Variants in DPP6 observed in about 807,000 individuals in gnomAD.
DPP6 encodes the protein A-type potassium channel modulatory protein DPP6.
A neutral mutation model predicts 122.6 loss-of-function variants in DPP6; 69 were observed. That is an observed-to-expected ratio of 0.56 (90% CI 0.46 to 0.69). DPP6 has a LOEUF of 0.69. Ranked by LOEUF, DPP6 falls within the 30% of genes least tolerant of loss-of-function variation. The pLI, the probability that DPP6 is intolerant of heterozygous loss-of-function variation, is 0.00. For missense variants in DPP6, 928 were observed against 1,116.9 expected, an observed-to-expected ratio of 0.83 and a Z score of 2.41; for synonymous variants, 418 against 433.1, an observed-to-expected ratio of 0.97 and a Z score of 0.43.
chr7:154,448,457 T>C (rs1304630605), intron 2 of DPP6, among the ~76,000 whole-genome samples: 1 of 152,198 alleles, frequency 6.6e-6, no homozygotes, highest in Non-Finnish European at 1.5e-5. Flanking sequence ...GTATATCTTA[T>C]ATGAATTGAT....
intron 1 of DPP6, among the ~76,000 whole-genome samples, chr7:154,103,874 T>G (rs1284537975): frequency 6.6e-5 from 10 of 152,214 alleles, no homozygotes; most frequent in Non-Finnish European, 1.3e-4. Context: ...CCGGGGGCTC[T>G]CCAGCCTCTG....
chr7:154,430,030 ACCCT>A (rs914030636), intron 1 of DPP6, among the ~76,000 whole-genome samples: 4 of 151,396 alleles, frequency 2.6e-5, no homozygotes, highest in Admixed American at 2.6e-4. Flanking sequence ...GTTTCCATCC[ACCCT>A]CCCAGTTCTC....
chr7:154,775,325 T>C (rs1419415576), intron 10 of DPP6, among the ~76,000 whole-genome samples: 3 of 152,154 alleles, frequency 2.0e-5, no homozygotes, highest in Non-Finnish European at 4.4e-5. Context: ...GCAAGGATCA[T>C]AGGGCTGGTT....
At chr7:154,061,763 C>T (rs190031193) in intron 1 of DPP6, among the ~76,000 whole-genome samples, 1 of 79,062 alleles carries the variant, frequency 1.3e-5, no homozygotes, top group African/African-American at 4.7e-5. Flanking sequence ...TGGCTCTTTG[C>T]ACCCCCATCG....
chr7:154,675,276 C>T (rs75962116), intron 7 of DPP6, among the ~76,000 whole-genome samples: 1 of 152,018 alleles, frequency 6.6e-6, no homozygotes, highest in Non-Finnish European at 1.5e-5. Context: ...TTGATGGGTG[C>T]AGCAAGCCAA....
chr7:154,103,841 C>G (rs1231257211), intron 1 of DPP6, among the ~76,000 whole-genome samples: 1 of 152,234 alleles, frequency 6.6e-6, no homozygotes, highest in African/African-American at 2.4e-5. Context: ...CCTTTGGACT[C>G]TGGCACTTAT....
rs1401756838 is a variant in DPP6 at position 154,721,986 on chromosome 7, GA to G, written c.763-5780del. On this transcript the variant is annotated intron_variant, in intron 7 of 25. Transcript: ENST00000377770. ...TCAAGACCAGCCTAGGCAACATAGTGAGACCCCATCTCTACCAAAAAAAAAA... is the reference window on the plus strand; with the variant it reads ...TCAAGACCAGCCTAGGCAACATAGTGGACCCCATCTCTACCAAAAAAAAAA... 4.1e-5 allele frequency among the ~76,000 whole-genome samples: 6 copies of G among 147,136 alleles called. No homozygotes were observed. The East Asian group carries it at 9.9e-4, about 24-fold the overall frequency.
At chr7:154,697,496 C>G (rs1840287093) in intron 7 of DPP6, among the ~76,000 whole-genome samples, 1 of 152,236 alleles carries the variant, frequency 6.6e-6, no homozygotes, top group African/African-American at 2.4e-5. Context: ...CATCGGGCCC[C>G]TTGGCATTCC....
At chr7:154,111,638 T>TGTGA (rs1263795265) in intron 1 of DPP6, among the ~76,000 whole-genome samples, 8 of 150,100 alleles carry the variant, frequency 5.3e-5, no homozygotes, top group Non-Finnish European at 3.0e-5. Context: ...TGTGTGTGTG[T>TGTGA]GTGTGTGTGT....
At position 154,602,273 on chromosome 7, in the gene DPP6, T is replaced by C. The variant is rs1833435275; in HGVS notation, c.627+35357T>C. ...GCAGTATTCTTCCATCATTTCACCA[T>C]ACCATCCTTTCTGATATTTTGTTGT... On this transcript the variant is annotated intron_variant, in intron 5 of 25. Transcript: ENST00000377770. Among the ~76,000 whole-genome samples, 3 of 121,568 alleles carry C rather than the reference T, an allele frequency of 2.5e-5. 1 individual carries two copies. Among genetic ancestry groups the C allele is most frequent in the African/African-American group, 7.9e-5 (3 of 38,174 alleles). 79.8% of individuals were successfully genotyped at this position (121,568 alleles called of 152,430 possible).
intron 20 of DPP6, among the ~76,000 whole-genome samples, chr7:154,879,450 C>T (rs1324931626): frequency 3.7e-5 from 5 of 134,870 alleles, no homozygotes; most frequent in Non-Finnish European, 7.6e-5. Context: ...ATTAGCCGGG[C>T]GAGGTGGCGG....
chr7:154,233,409 G>T (rs59405863), intron 1 of DPP6, among the ~76,000 whole-genome samples: 1 of 152,190 alleles, frequency 6.6e-6, no homozygotes, highest in African/African-American at 2.4e-5. Flanking sequence ...TGGGTTAAAT[G>T]GTGCCCACCC....
chr7:154,309,351 A>G (rs530737421), intron 1 of DPP6, among the ~76,000 whole-genome samples: 2 of 152,194 alleles, frequency 1.3e-5, no homozygotes, highest in Non-Finnish European at 2.9e-5. Flanking sequence ...CTATTAAATT[A>G]TGAGCCCCAG....
At chr7:154,516,256 G>A (rs987466689) in intron 3 of DPP6, among the ~76,000 whole-genome samples, 6 of 133,654 alleles carry the variant, frequency 4.5e-5, no homozygotes, top group Non-Finnish European at 9.8e-5. Context: ...TACCTACTCC[G>A]AACTCTGCTT....
intron 16 of DPP6, among the ~76,000 whole-genome samples, chr7:154,826,047 AC>A (rs1194382982): frequency 6.6e-6 from 1 of 152,134 alleles, no homozygotes; most frequent in Non-Finnish European, 1.5e-5. Flanking sequence ...GAATTACTTC[AC>A]CCTACGTTTC....
intron 16 of DPP6, among the ~76,000 whole-genome samples, chr7:154,808,143 T>C (rs1404981): frequency 0.98 from 149,762 of 152,360 alleles, 73,629 homozygotes; most frequent in Middle Eastern, 1. Flanking sequence ...AGGAGCAATT[T>C]GCTCCTCTGT....
At chr7:154,285,016 T>A (rs1804762119) in intron 1 of DPP6, among the ~76,000 whole-genome samples, 1 of 147,322 alleles carries the variant, frequency 6.8e-6, no homozygotes, top group Non-Finnish European at 1.5e-5. Flanking sequence ...GGAGGAGAAA[T>A]AGACATGTAT....
chr7:154,401,309 C>G (rs917579048), intron 1 of DPP6, among the ~76,000 whole-genome samples: 1 of 151,952 alleles, frequency 6.6e-6, no homozygotes, highest in African/African-American at 2.4e-5. Flanking sequence ...TTGAAGGATG[C>G]CTTAGAGAAG....
chr7:154,462,528 C>A (rs1429941469), intron 2 of DPP6, among the ~76,000 whole-genome samples: 1 of 151,998 alleles, frequency 6.6e-6, no homozygotes, highest in Non-Finnish European at 1.5e-5. Flanking sequence ...TGTCTGCTTC[C>A]ATTTCTTTCA....
Sources: allele counts gnomAD v4.1 joint callset (sites outside exome capture counted in the v4.1 genomes callset), GRCh38; gene constraint gnomAD v4.1.1; transcripts MANE v1.5; gene names NCBI Gene and HGNC (gene_info 2026-07-23, HGNC 2026-07-21).